Variants in KLRG2 observed in about 807,000 individuals in gnomAD.
The protein encoded by KLRG2 is killer cell lectin-like receptor subfamily G member 2.
In KLRG2, 39 loss-of-function variants were observed where a neutral mutation model predicts 35.4. The observed-to-expected ratio is 1.10, with a 90% confidence interval of 0.85 to 1.44. The LOEUF is 1.44. Among genes scored for constraint, KLRG2 ranks in the 40% most tolerant of loss-of-function variants. The probability of loss-of-function intolerance (pLI) is 0.00; values close to 1 mark genes in which losing one functional copy is unlikely to be tolerated. For missense variants in KLRG2, 632 were observed against 570.9 expected, an observed-to-expected ratio of 1.11 and a Z score of -1.09; for synonymous variants, 283 against 265.8, an observed-to-expected ratio of 1.06 and a Z score of -0.63.
At chr7:139,458,706 C>A (rs1165569990) in intron 3 of KLRG2, among the ~76,000 whole-genome samples, 1 of 152,226 alleles carries the variant, frequency 6.6e-6, no homozygotes, top group East Asian at 1.9e-4. Context: ...TAGCATCGGG[C>A]TCGAGTTCAG....
intron 3 of KLRG2, among the ~76,000 whole-genome samples, chr7:139,465,384 C>A (rs575843588): frequency 6.6e-6 from 1 of 152,166 alleles, no homozygotes; most frequent in African/African-American, 2.4e-5. Context: ...TTCTCAAAGC[C>A]GCTTTACTTC....
At chr7:139,445,781 G>GTGTGTATATATA in the KLRG2 span, among the ~76,000 whole-genome samples, 3 of 98,480 alleles carry the variant, frequency 3.0e-5, no homozygotes, top group African/African-American at 2.3e-4. Flanking sequence ...ATATATATAT[G>GTGTGTATATATA]TATATATATA....
chr7:139,454,266 C>T (rs1380760720), intron 3 of KLRG2, 52 bp from the exon 4 acceptor site: 1 of 889,352 alleles, frequency 1.1e-6, no homozygotes, highest in Non-Finnish European at 1.8e-6. Flanking sequence ...CGTGGCTTGC[C>T]TGGGGCGTAC....
chr7:139,435,905 ATT>A, the KLRG2 span, among the ~76,000 whole-genome samples: 1 of 144,982 alleles, frequency 6.9e-6, no homozygotes, highest in Admixed American at 6.9e-5. Flanking sequence ...AGGGCCTGTA[ATT>A]TTTTTTTTTT....
At chr7:139,479,069 ATTATTT>A (rs1430718704) in intron 3 of KLRG2, among the ~76,000 whole-genome samples, 7 of 152,118 alleles carry the variant, frequency 4.6e-5, no homozygotes, top group East Asian at 1.9e-4. Flanking sequence ...TTAAAAAAAA[ATTATTT>A]TTATTTTTAT....
At chr7:139,458,257 A>G (rs1796509744) in intron 3 of KLRG2, among the ~76,000 whole-genome samples, 1 of 151,704 alleles carries the variant, frequency 6.6e-6, no homozygotes, top group Non-Finnish European at 1.5e-5. Context: ...ACGCTCCTGT[A>G]CTCCCAGCTA....
the KLRG2 span, among the ~76,000 whole-genome samples, chr7:139,432,174 AGGG>A: frequency 6.6e-6 from 1 of 152,038 alleles, no homozygotes; most frequent in Admixed American, 6.6e-5. Context: ...CAGGCAACAA[AGGG>A]AGATCCTGTC....
chr7:139,483,439 T>G lies in KLRG2; in HGVS notation c.204A>C (p.Lys68Asn), dbSNP rs772143613. 6.4e-7 allele frequency: 1 copy of G among 1,572,422 alleles called. No homozygotes were observed. The highest frequency in any genetic ancestry group is 1.1e-5 in the South Asian group (1 of 87,656). The change falls in exon 1 of 5, where the codon AAA (lysine) becomes AAC (asparagine). Residue 68 changes from lysine to asparagine, a missense_variant. Transcript: ENST00000340940. Reference protein sequence around the residue: ...AGAGLEPSSKKKPPSPRPGSP... With the variant: ...AGAGLEPSSKNKPPSPRPGSP... Reference sequence around the variant, plus strand: ...ACCCGGGGCGAGGCGAAGGCGGCTTTTTCTTGCTCGAGGGCTCCAGGCCTG... The same window carrying G: ...ACCCGGGGCGAGGCGAAGGCGGCTTGTTCTTGCTCGAGGGCTCCAGGCCTG...
chr7:139,440,168 G>A, the KLRG2 span, among the ~76,000 whole-genome samples: 1 of 152,124 alleles, frequency 6.6e-6, no homozygotes, highest in Non-Finnish European at 1.5e-5. Context: ...GGAGTGCAGT[G>A]GCACCGTCTC....
chr7:139,437,445 A>G, the KLRG2 span, among the ~76,000 whole-genome samples: 1 of 151,448 alleles, frequency 6.6e-6, no homozygotes, highest in Non-Finnish European at 1.5e-5. Flanking sequence ...AAAAAAAAAA[A>G]AAAAAAATTC....
the KLRG2 span, among the ~76,000 whole-genome samples, chr7:139,437,293 C>T: frequency 4.6e-5 from 7 of 151,900 alleles, no homozygotes; most frequent in East Asian, 2.0e-4. Flanking sequence ...GGCATGATGG[C>T]GGGTGCCTGT....
chr7:139,449,863 C>T (rs559915636), downstream of KLRG2, among the ~76,000 whole-genome samples: 24 of 150,978 alleles, frequency 1.6e-4, no homozygotes, highest in African/African-American at 5.8e-4. Context: ...CCACGCTTGG[C>T]TAATTTTTTT....
chr7:139,435,547 C>T, the KLRG2 span, among the ~76,000 whole-genome samples: 1 of 152,300 alleles, frequency 6.6e-6, no homozygotes, highest in Non-Finnish European at 1.5e-5. Context: ...CCCACCACTG[C>T]AATCATGATA....
At chr7:139,436,574 C>T in the KLRG2 span, among the ~76,000 whole-genome samples, 8 of 108,650 alleles carry the variant, frequency 7.4e-5, no homozygotes, top group African/African-American at 3.9e-4. Context: ...AGCTGGCCAC[C>T]GCAGAAGCAA....
In KLRG2 at chr7:139,479,650, G is replaced by A. The variant is rs1569416770; in HGVS notation, c.982C>T (p.Leu328Phe). 1 of 1,613,386 alleles carries A rather than the reference G, an allele frequency of 6.2e-7. No individual in the cohort carries two copies. Among genetic ancestry groups the A allele is most frequent in the Non-Finnish European group, 8.5e-7 (1 of 1,180,000 alleles). ...ACCTGGGTGTGGCTTAGCAGGGGGA[G>A]GGTAGCGTGGTAGGCTGAGCAGAAA... ...QAFCSAYHAT[L>F]PLLSHTQDFL... The change falls in exon 3 of 5, where the codon CTC becomes TTC. Residue 328 changes from leucine to phenylalanine, a missense_variant. Coordinates refer to ENST00000340940, the MANE Select transcript of KLRG2 (RefSeq NM_198508.4).
chr7:139,459,504 G>C (rs1040260018), intron 3 of KLRG2, among the ~76,000 whole-genome samples: 1 of 152,122 alleles, frequency 6.6e-6, no homozygotes, highest in Non-Finnish European at 1.5e-5. Flanking sequence ...CAACCAGTCT[G>C]AGTCGTTTGG....
rs141926002 is a variant in KLRG2, at chr7:139,455,874, T to C, written c.1006-1660A>G. 6.3e-3 allele frequency among the ~76,000 whole-genome samples: 961 copies of C among 152,246 alleles called. 12 individuals are homozygous for C. Among genetic ancestry groups the C allele is most frequent in the African/African-American group, 0.022 (900 of 41,530 alleles). On this transcript the variant is annotated intron_variant, in intron 3 of 4. Coordinates refer to ENST00000340940, the MANE Select transcript of KLRG2 (RefSeq NM_198508.4). ...CACGGTGCTATTTGTGAAGAAAAAC[T>C]GGAAACTCCCCAAACGCTCAGCAAT...
intron 3 of KLRG2, among the ~76,000 whole-genome samples, chr7:139,467,745 G>C (rs138862120): frequency 0.076 from 11,421 of 151,256 alleles, 579 homozygotes; most frequent in Non-Finnish European, 0.11. Flanking sequence ...TATTGTCCAA[G>C]GTTTCTCCCC....
chr7:139,450,851 C>T (rs899197471), downstream of KLRG2, among the ~76,000 whole-genome samples: 7 of 152,244 alleles, frequency 4.6e-5, no homozygotes, highest in East Asian at 7.7e-4. Flanking sequence ...CTGGCTGGCC[C>T]TGTAACCAAT....
Sources: gnomAD v4.1 joint callset for allele counts (sites outside exome capture counted in the v4.1 genomes callset) on GRCh38, gnomAD v4.1.1 for gene constraint, MANE v1.5 for transcripts, NCBI Gene and HGNC (gene_info 2026-07-23, HGNC 2026-07-21) for gene names.